PLA2G5: variants seen among roughly 807,000 people sequenced by gnomAD.
The protein encoded by PLA2G5 is phospholipase A2 group V.
Under a neutral mutation model 15.9 loss-of-function variants are expected in PLA2G5, and 12 were observed. The ratio of observed to expected loss-of-function variants is 0.76; its 90% confidence interval spans 0.48 to 1.23. The LOEUF is 1.23. Ranked by LOEUF, PLA2G5 falls within the 50% of genes most tolerant of loss-of-function variation. The probability of loss-of-function intolerance (pLI) is 0.00; values close to 1 mark genes in which losing one functional copy is unlikely to be tolerated. For synonymous variants in PLA2G5, 71 were observed against 71.4 expected (o/e 0.99, Z 0.03); for missense variants, 169 against 177.1 (o/e 0.95, Z 0.26).
upstream of PLA2G5, among the ~76,000 whole-genome samples, chr1:20,067,216 G>A (rs1300734631): frequency 3.3e-5 from 5 of 152,092 alleles, no homozygotes; most frequent in Non-Finnish European, 5.9e-5. Context: ...GCTAGTCTCC[G>A]AGTCCTGGGC....
At chr1:20,081,565 T>C (rs1312984747) in intron 1 of PLA2G5, among the ~76,000 whole-genome samples, 1 of 151,536 alleles carries the variant, frequency 6.6e-6, no homozygotes, top group Non-Finnish European at 1.5e-5. Flanking sequence ...GGGGACACAG[T>C]TTAGGACCGG....
chr1:20,073,024 C>G (rs947110023), intron 1 of PLA2G5, among the ~76,000 whole-genome samples: 11 of 152,096 alleles, frequency 7.2e-5, no homozygotes, highest in Admixed American at 7.2e-4. Context: ...GGTGGAGCGG[C>G]CTTGAATTGT....
intron 1 of PLA2G5, among the ~76,000 whole-genome samples, chr1:20,037,322 G>A (rs903207816): frequency 1.1e-4 from 17 of 152,154 alleles, no homozygotes; most frequent in African/African-American, 3.6e-4. Flanking sequence ...GATCATTATT[G>A]TTCTTCTGGG....
intron 1 of PLA2G5, among the ~76,000 whole-genome samples, chr1:20,049,499 A>G (rs2014077807): frequency 6.6e-6 from 1 of 152,138 alleles, no homozygotes; most frequent in African/African-American, 2.4e-5. Flanking sequence ...CTTGAATTGT[A>G]GTGATCCCCA....
intron 1 of PLA2G5, among the ~76,000 whole-genome samples, chr1:20,030,558 C>A (rs1027029166): frequency 6.6e-6 from 1 of 151,954 alleles, no homozygotes; most frequent in Non-Finnish European, 1.5e-5. Flanking sequence ...TGCAAAGAGG[C>A]CTTCCTCTTT....
intron 1 of PLA2G5, among the ~76,000 whole-genome samples, chr1:20,081,090 G>T (rs1423248665): frequency 6.6e-6 from 1 of 151,874 alleles, no homozygotes; most frequent in Non-Finnish European, 1.5e-5. Context: ...ACCTGGCCAC[G>T]TCCTGGCCTC....
At chr1:20,074,339 G>T (rs534234277) in intron 1 of PLA2G5, among the ~76,000 whole-genome samples, 65 of 152,278 alleles carry the variant, frequency 4.3e-4, no homozygotes, top group African/African-American at 1.4e-3. Flanking sequence ...TTGCAGGGAG[G>T]GGGTCCTACA....
upstream of PLA2G5, chr1:20,068,904 C>G: frequency 7.8e-7 from 1 of 1,283,264 alleles, no homozygotes; most frequent in African/African-American, 1.5e-5. Context: ...GGAACACACT[C>G]CCCCCTACGT....
intron 1 of PLA2G5, among the ~76,000 whole-genome samples, chr1:20,053,021 G>T (rs2014251658): frequency 6.6e-6 from 1 of 152,100 alleles, no homozygotes; most frequent in East Asian, 1.9e-4. Context: ...TCTTACCTAT[G>T]TTGATTGATG....
At chr1:20,053,198 C>T (rs1046541511) in intron 1 of PLA2G5, among the ~76,000 whole-genome samples, 12 of 152,202 alleles carry the variant, frequency 7.9e-5, no homozygotes, top group African/African-American at 2.7e-4. Flanking sequence ...TTTCACAATT[C>T]TCAAGCCTTC....
In PLA2G5 at chr1:20,035,638, C is replaced by T. The variant is rs1033536344; in HGVS notation, n.276+6929C>T. 2.0e-5 allele frequency among the ~76,000 whole-genome samples: 3 copies of T among 152,302 alleles called. No individual in the cohort carries two copies. In the South Asian group the frequency reaches 6.2e-4, roughly 32 times the overall value. On this transcript the variant is annotated intron_variant and non_coding_transcript_variant, in intron 1 of 6. Transcript: ENST00000460175. ...ATGTGATAGATGAGTTTCTTGAAGACAGCAGATACTTGATTGGTGAATTCT... is the reference window on the plus strand; with the variant it reads ...ATGTGATAGATGAGTTTCTTGAAGATAGCAGATACTTGATTGGTGAATTCT...
intron 1 of PLA2G5, among the ~76,000 whole-genome samples, chr1:20,058,929 T>C (rs971511719): frequency 6.6e-6 from 1 of 151,850 alleles, no homozygotes; most frequent in African/African-American, 2.4e-5. Context: ...ATCCCAGCAC[T>C]TTGGGAGGCC....
chr1:20,076,668 G>C (rs981871481), intron 1 of PLA2G5: 30 of 152,198 alleles, frequency 2.0e-4, no homozygotes, highest in African/African-American at 7.2e-4. Flanking sequence ...TGCTGAACTT[G>C]CCTTGCACTT....
At chr1:20,048,792 A>G (rs991407929) in intron 1 of PLA2G5, among the ~76,000 whole-genome samples, 1 of 152,228 alleles carries the variant, frequency 6.6e-6, no homozygotes, top group Non-Finnish European at 1.5e-5. Context: ...TTCATAAACA[A>G]TCTAGGCAAA....
At chr1:20,045,396 A>G (rs949918726) in intron 1 of PLA2G5, among the ~76,000 whole-genome samples, 28 of 152,186 alleles carry the variant, frequency 1.8e-4, no homozygotes, top group African/African-American at 6.5e-4. Context: ...ATGTGGGTGA[A>G]TAATCAGGCA....
chr1:20,059,140 AG>A (rs1416911989), intron 1 of PLA2G5, among the ~76,000 whole-genome samples: 15 of 146,360 alleles, frequency 1.0e-4, no homozygotes, highest in Non-Finnish European at 9.0e-5. Context: ...AAAAAAAAAA[AG>A]GGCTCACATG....
chr1:20,053,338 A>G (rs890270743), intron 1 of PLA2G5, among the ~76,000 whole-genome samples: 1 of 152,178 alleles, frequency 6.6e-6, no homozygotes, highest in Non-Finnish European at 1.5e-5. Flanking sequence ...TGAGAAACAA[A>G]TTTACTAACT....
intron 1 of PLA2G5, chr1:20,046,028 G>T (rs2013883169): frequency 6.6e-6 from 1 of 152,074 alleles, no homozygotes; most frequent in Non-Finnish European, 1.5e-5. Context: ...ATGTTGGAAG[G>T]CAGGTAACTC....
At chr1:20,076,011 A>C (rs4655147) in intron 1 of PLA2G5, among the ~76,000 whole-genome samples, 49,480 of 151,486 alleles carry the variant, frequency 0.33, 9,346 homozygotes, top group Middle Eastern at 0.44. Context: ...AGCTAGGATT[A>C]CAGGCACTCG....
Sources: gnomAD v4.1 joint callset for allele counts (sites outside exome capture counted in the v4.1 genomes callset) on GRCh38, gnomAD v4.1.1 for gene constraint, MANE v1.5 for transcripts, NCBI Gene and HGNC (gene_info 2026-07-23, HGNC 2026-07-21) for gene names.